Variants in CASQ2 observed in about 807,000 individuals in gnomAD.
CASQ2 encodes the protein calsequestrin-2.
CASQ2 carries 49 observed loss-of-function variants against 46.5 expected under a neutral mutation model. The ratio of observed to expected loss-of-function variants is 1.05; its 90% confidence interval spans 0.84 to 1.34. CASQ2 has a LOEUF of 1.34. Among genes scored for constraint, CASQ2 ranks in the 40% most tolerant of loss-of-function variants. The pLI is 0.00. For synonymous variants in CASQ2, 174 were observed against 168.5 expected, an observed-to-expected ratio of 1.03 and a Z score of -0.25; for missense variants, 486 against 481.3, an observed-to-expected ratio of 1.01 and a Z score of -0.09.
chr1:115,727,673 T>C (rs1647641836), intron 5 of CASQ2, among the ~76,000 whole-genome samples: 1 of 152,172 alleles, frequency 6.6e-6, no homozygotes, highest in Admixed American at 6.5e-5. Flanking sequence ...ACTTGCTTCA[T>C]GGTTTGTCAG....
intron 3 of CASQ2, among the ~76,000 whole-genome samples, chr1:115,740,121 C>A (rs953774479): frequency 1.3e-5 from 2 of 152,180 alleles, no homozygotes; most frequent in African/African-American, 2.4e-5. Flanking sequence ...ACACTAGGTT[C>A]TTTATCTGTG....
intron 8 of CASQ2, 114 bp from the exon 9 acceptor site, chr1:115,705,406 C>T: frequency 2.8e-6 from 2 of 723,098 alleles, no homozygotes; most frequent in Non-Finnish European, 5.1e-6. Context: ...TGCTCACCCT[C>T]AATTATAGGA....
chr1:115,761,543 C>G (rs1193762702), intron 1 of CASQ2, among the ~76,000 whole-genome samples: 7 of 142,318 alleles, frequency 4.9e-5, no homozygotes, highest in Non-Finnish European at 9.2e-5. Flanking sequence ...TCATAAAGTG[C>G]ACATGAGTCT....
At chr1:115,721,968 G>C (rs768601765) in intron 7 of CASQ2, among the ~76,000 whole-genome samples, 24 of 152,208 alleles carry the variant, frequency 1.6e-4, no homozygotes, top group African/African-American at 2.4e-4. Context: ...GCACTCTTTA[G>C]AGCAGTGACC....
chr1:115,727,273 A>C (rs1647628578), intron 5 of CASQ2, 151 bp from the exon 6 acceptor site: 2 of 664,654 alleles, frequency 3.0e-6, no homozygotes, highest in East Asian at 5.7e-5. Flanking sequence ...ACAGGAACTT[A>C]TCACCCAAGG....
intron 1 of CASQ2, among the ~76,000 whole-genome samples, chr1:115,751,834 A>G (rs1009187564): frequency 2.0e-5 from 3 of 152,174 alleles, no homozygotes; most frequent in Non-Finnish European, 4.4e-5. Context: ...ATGAACCTAA[A>G]TCCCTAACAT....
intron 5 of CASQ2, among the ~76,000 whole-genome samples, chr1:115,727,633 T>A (rs1647641160): frequency 6.6e-6 from 1 of 152,238 alleles, no homozygotes; most frequent in South Asian, 2.1e-4. Context: ...GTTGAAGTGC[T>A]GGCCCTACAG....
intron 8 of CASQ2, among the ~76,000 whole-genome samples, 174 bp downstream of exon 8, chr1:115,717,666 G>A (rs1654747193): frequency 6.6e-6 from 1 of 152,218 alleles, no homozygotes; most frequent in African/African-American, 2.4e-5. Flanking sequence ...TCTTCTCTTA[G>A]CCGTGTGCAC....
intron 1 of CASQ2, among the ~76,000 whole-genome samples, chr1:115,764,707 C>T (rs1649077049): frequency 6.6e-6 from 1 of 152,198 alleles, no homozygotes; most frequent in South Asian, 2.1e-4. Flanking sequence ...TACAATGACC[C>T]TTGGGCCCTC....
Position 115,761,479 on chromosome 1 carries a change from A to G in CASQ2, c.234+6829T>C, listed in dbSNP as rs1029824697. On this transcript the variant is annotated intron_variant, in intron 1 of 10. Coordinates refer to ENST00000261448, the MANE Select transcript of CASQ2 (RefSeq NM_001232.4). ...GAAGAAGAAGGAGAAGAAGAAGAAG[A>G]AGAAGAAGGAGAAGAAGGAGAAGAA... Among the ~76,000 whole-genome samples the G allele has an allele frequency of 1.5e-3, 33 of 21,386 alleles. 4 individuals carry two copies. Among genetic ancestry groups the G allele is most frequent in the East Asian group, 3.8e-3 (2 of 522 alleles). The allele number at this position is 21,386 out of a possible 152,430, so 14.0% of individuals were successfully genotyped here.
chr1:115,706,412 G>GAC (rs1654364850), intron 8 of CASQ2, among the ~76,000 whole-genome samples: 3 of 152,138 alleles, frequency 2.0e-5, no homozygotes, highest in Admixed American at 2.0e-4. Context: ...AGGCCCCATG[G>GAC]AGTTGTCTTG....
intron 1 of CASQ2, among the ~76,000 whole-genome samples, chr1:115,762,012 G>A (rs914219453): frequency 7.2e-5 from 11 of 152,156 alleles, no homozygotes; most frequent in African/African-American, 2.7e-4. Flanking sequence ...AGCCTCTATT[G>A]GTGAGCTAAA....
intron 5 of CASQ2, among the ~76,000 whole-genome samples, chr1:115,731,647 G>A (rs895817436): frequency 1.3e-5 from 2 of 152,216 alleles, no homozygotes; most frequent in African/African-American, 4.8e-5. Flanking sequence ...GAGTAAAGTA[G>A]GACAGAGCAT....
At chr1:115,714,819 G>T (rs1161232017) in intron 8 of CASQ2, among the ~76,000 whole-genome samples, 3 of 152,160 alleles carry the variant, frequency 2.0e-5, no homozygotes, top group African/African-American at 7.2e-5. Flanking sequence ...CTATCCCCCT[G>T]CCCTCACCTC....
At chr1:115,758,038 T>TGTC (rs1557805162) in intron 1 of CASQ2, among the ~76,000 whole-genome samples, 1 of 152,202 alleles carries the variant, frequency 6.6e-6, no homozygotes, top group Non-Finnish European at 1.5e-5. Context: ...GCAGCTCAAG[T>TGTC]GTGAGTGAAA....
At chr1:115,735,883 C>T (rs190575595) in intron 4 of CASQ2, among the ~76,000 whole-genome samples, 88 of 152,198 alleles carry the variant, frequency 5.8e-4, no homozygotes, top group African/African-American at 2.1e-3. Context: ...AAGAGCAGGC[C>T]GGACGTAGTG....
At chr1:115,718,808 C>T (rs776961898) in intron 7 of CASQ2, among the ~76,000 whole-genome samples, 1 of 152,148 alleles carries the variant, frequency 6.6e-6, no homozygotes, top group Non-Finnish European at 1.5e-5. Flanking sequence ...CCTTGTGTCT[C>T]CTTTGCAATG....
chr1:115,718,053 C>A (rs1010632560), intron 7 of CASQ2, among the ~76,000 whole-genome samples, 159 bp from the exon 8 acceptor site: 3 of 152,072 alleles, frequency 2.0e-5, no homozygotes, highest in African/African-American at 7.2e-5. Flanking sequence ...CAGCGGGGCT[C>A]ACATTAAGGA....
At chr1:115,753,706 C>T (rs1306430453) in intron 1 of CASQ2, among the ~76,000 whole-genome samples, 3 of 152,112 alleles carry the variant, frequency 2.0e-5, no homozygotes, top group Non-Finnish European at 4.4e-5. Context: ...CAGCTCTAAC[C>T]CAGGGAAAGA....
Sources: allele counts gnomAD v4.1 joint callset (sites outside exome capture counted in the v4.1 genomes callset), GRCh38; gene constraint gnomAD v4.1.1; transcripts MANE v1.5; gene names NCBI Gene and HGNC (gene_info 2026-07-23, HGNC 2026-07-21).